Variants in RHBDD1 observed in about 807,000 individuals in gnomAD.
RHBDD1 encodes rhomboid-related protein 4.
A neutral mutation model predicts 36.3 loss-of-function variants in RHBDD1; 38 were observed. The observed-to-expected ratio is 1.05, with a 90% confidence interval of 0.81 to 1.37. The LOEUF (loss-of-function observed/expected upper bound fraction) is 1.37, where lower values mean the gene tolerates loss of function less well. RHBDD1 is among the 40% of genes most tolerant of loss of function. The probability of loss-of-function intolerance (pLI) is 0.00; values close to 1 mark genes in which losing one functional copy is unlikely to be tolerated. For synonymous variants in RHBDD1, 151 were observed against 136.5 expected, an observed-to-expected ratio of 1.11 and a Z score of -0.74; for missense variants, 393 against 377.6, an observed-to-expected ratio of 1.04 and a Z score of -0.34.
chr2:226,982,520 C>T (rs960844499), intron 8 of RHBDD1, among the ~76,000 whole-genome samples: 4 of 152,194 alleles, frequency 2.6e-5, no homozygotes, highest in African/African-American at 9.7e-5. Flanking sequence ...TGTAATACAT[C>T]TCATATCTCA....
chr2:226,860,495 C>G (rs1943751112), intron 3 of RHBDD1, among the ~76,000 whole-genome samples: 1 of 152,146 alleles, frequency 6.6e-6, no homozygotes, highest in South Asian at 2.1e-4. Context: ...TCAGTGCTCA[C>G]TTATTGTGAT....
At chr2:226,978,074 AT>A (rs1274026023) in intron 8 of RHBDD1, among the ~76,000 whole-genome samples, 1 of 151,990 alleles carries the variant, frequency 6.6e-6, no homozygotes, top group Non-Finnish European at 1.5e-5. Context: ...TACTGCCCTT[AT>A]TTTTTTCTAC....
In RHBDD1 at chr2:226,864,967, G is replaced by C. The variant is rs1469800647; in HGVS notation, c.274G>C (p.Gly92Arg). ...YFNMASMLWK[G>R]INLERRLGSR... ...CAATATGGCATCCATGCTCTGGAAA[G>C]GAATAAATCTAGAAAGAAGACTGGG... The change falls in exon 4 of 9, where the codon GGA becomes CGA. Residue 92 changes from glycine to arginine, a missense_variant. Gly to Arg is a moderately radical substitution (Grantham distance 125). Coordinates refer to ENST00000392062, the MANE Select transcript of RHBDD1 (RefSeq NM_001167608.3). 5 of 1,614,216 alleles carry C rather than the reference G, an allele frequency of 3.1e-6. No homozygotes were observed. The highest frequency in any genetic ancestry group is 4.2e-6 in the Non-Finnish European group (5 of 1,180,032).
intron 5 of RHBDD1, among the ~76,000 whole-genome samples, chr2:226,885,585 T>C (rs1946135990): frequency 6.6e-6 from 1 of 152,144 alleles, no homozygotes; most frequent in East Asian, 1.9e-4. Flanking sequence ...GTTTCAGTTT[T>C]TTTCAAAGTA....
chr2:226,963,877 G>A (rs543346705), intron 8 of RHBDD1, among the ~76,000 whole-genome samples: 2 of 152,090 alleles, frequency 1.3e-5, no homozygotes, highest in Admixed American at 1.3e-4. Flanking sequence ...AACTACAAAC[G>A]AACCTATTCT....
At chr2:226,928,695 A>C (rs1000518060) in intron 8 of RHBDD1, among the ~76,000 whole-genome samples, 7 of 152,088 alleles carry the variant, frequency 4.6e-5, no homozygotes, top group South Asian at 2.1e-4. Flanking sequence ...ACAACAACAA[A>C]AAAGATCATG....
chr2:226,951,928 T>C (rs927034633), intron 8 of RHBDD1, among the ~76,000 whole-genome samples: 1 of 152,254 alleles, frequency 6.6e-6, no homozygotes, highest in East Asian at 1.9e-4. Context: ...CTAATAGTTT[T>C]AAATAACTAG....
chr2:226,882,452 A>AAAG (rs1237440053), intron 5 of RHBDD1, among the ~76,000 whole-genome samples: 18 of 136,134 alleles, frequency 1.3e-4, no homozygotes, highest in South Asian at 6.7e-4. Context: ...AAAAAAAAAA[A>AAAG]AAGAAGAAGA....
At chr2:226,861,722 G>A (rs7599115) in intron 3 of RHBDD1, among the ~76,000 whole-genome samples, 3 of 151,440 alleles carry the variant, frequency 2.0e-5, no homozygotes, top group African/African-American at 7.3e-5. Context: ...AAATATTTCT[G>A]TGTGTGTGTG....
In RHBDD1 at chr2:226,998,190, C is replaced by T. The variant is rs561276794; in HGVS notation, c.*2668C>T. On this transcript the variant is annotated 3_prime_UTR_variant, in exon 9 of 9. Coordinates refer to ENST00000392062, the MANE Select transcript of RHBDD1 (RefSeq NM_001167608.3). The stretch of plus-strand genomic sequence containing the variant: ...AGGAGGCAGTAGTTAAAATTGCTTC[C>T]TCTTAATGACTCTGAATGTATTGCC... 4.6e-5 allele frequency: 7 copies of T among 152,278 alleles called. No individual in the cohort carries two copies. In the South Asian group the frequency reaches 1.5e-3, roughly 32 times the overall value. The allele number at this position is 152,278 out of a possible 1,614,324, so 9.4% of individuals were successfully genotyped here.
chr2:226,866,779 A>C (rs1309074303), intron 4 of RHBDD1, among the ~76,000 whole-genome samples: 1 of 152,220 alleles, frequency 6.6e-6, no homozygotes, highest in African/African-American at 2.4e-5. Context: ...GTGGGAGAAG[A>C]AAGAATATAT....
chr2:226,871,457 C>T (rs190166822), intron 5 of RHBDD1, among the ~76,000 whole-genome samples: 32 of 152,284 alleles, frequency 2.1e-4, no homozygotes, highest in Admixed American at 1.8e-3. Flanking sequence ...TCAGATTCTC[C>T]TAGTGTTCAA....
intron 8 of RHBDD1, among the ~76,000 whole-genome samples, chr2:226,949,196 C>T (rs982282864): frequency 2.0e-5 from 3 of 152,218 alleles, no homozygotes; most frequent in Non-Finnish European, 4.4e-5. Flanking sequence ...AATGGCCATA[C>T]TGCCCAAAGT....
At chr2:226,850,772 C>T (rs561910680) in intron 3 of RHBDD1, among the ~76,000 whole-genome samples, 2 of 152,240 alleles carry the variant, frequency 1.3e-5, no homozygotes, top group South Asian at 4.2e-4. Context: ...GTGAAATCCA[C>T]CCAGCAAATC....
intron 8 of RHBDD1, among the ~76,000 whole-genome samples, chr2:226,949,851 T>C (rs1951296465): frequency 6.6e-6 from 1 of 152,142 alleles, no homozygotes; most frequent in African/African-American, 2.4e-5. Context: ...GTGTCTCTTT[T>C]TGCATCCAAA....
intron 8 of RHBDD1, among the ~76,000 whole-genome samples, chr2:226,963,225 T>C (rs190198180): frequency 3.3e-4 from 51 of 152,262 alleles, no homozygotes; most frequent in Non-Finnish European, 1.8e-4. Context: ...AGAACACTTA[T>C]AGCAGCTGTA....
At chr2:226,818,304 C>T in the RHBDD1 span, among the ~76,000 whole-genome samples, 7 of 150,532 alleles carry the variant, frequency 4.7e-5, no homozygotes, top group Non-Finnish European at 1.0e-4. Context: ...GGACTACAGG[C>T]GCCCGCCACC....
At chr2:226,931,227 A>G (rs958387505) in intron 8 of RHBDD1, among the ~76,000 whole-genome samples, 13 of 152,210 alleles carry the variant, frequency 8.5e-5, no homozygotes, top group Admixed American at 3.3e-4. Flanking sequence ...TAACAGTTGC[A>G]AAGATACGGA....
At chr2:226,891,218 A>G (rs1380577911) in intron 5 of RHBDD1, among the ~76,000 whole-genome samples, 5 of 152,164 alleles carry the variant, frequency 3.3e-5, no homozygotes, top group African/African-American at 1.2e-4. Context: ...TGACTGGGGA[A>G]GGCTCCAATG....
Sources: allele counts gnomAD v4.1 joint callset (sites outside exome capture counted in the v4.1 genomes callset), GRCh38; gene constraint gnomAD v4.1.1; transcripts MANE v1.5; gene names NCBI Gene and HGNC (gene_info 2026-07-23, HGNC 2026-07-21).